Variants in TDRD7 observed in about 807,000 individuals in gnomAD.
TDRD7 encodes the protein tudor domain containing 7.
In TDRD7, 47 loss-of-function variants were observed where a neutral mutation model predicts 109.8. The observed-to-expected ratio is 0.43, with a 90% confidence interval of 0.34 to 0.55. TDRD7 has a LOEUF of 0.55. Ranked by LOEUF, TDRD7 falls within the 20% of genes least tolerant of loss-of-function variation. The pLI is 0.03. For synonymous variants in TDRD7, 424 were observed against 457.3 expected (o/e 0.93, Z 0.93); for missense variants, 1,164 against 1,319.2 (o/e 0.88, Z 1.82).
At chr9:97,441,515 C>G in intron 5 of TDRD7, 143 bp from the exon 6 acceptor site, 1 of 688,932 alleles carries the variant, frequency 1.5e-6, no homozygotes, top group South Asian at 1.9e-5. Context: ...CGGTGCTGCT[C>G]TGCCTAATCC....
Position 97,428,583 on chromosome 9 carries a change from C to T in TDRD7, c.118C>T (p.Pro40Ser). Residue 40 changes from proline (P) to serine (S), a missense_variant, in exon 2 of 17, where the codon CCC (proline) becomes TCC (serine). Pro to Ser is a moderately conservative substitution (Grantham distance 74). Around this residue, in one of 5 missense-constraint regions of TDRD7, gnomAD observed 101 missense variants for 148.5 expected, o/e 0.68. Transcript: ENST00000355295. Reference protein sequence around the residue: ...EYRSLTGDWIPFKQLGFPTLE... With the variant: ...EYRSLTGDWISFKQLGFPTLE... ...CAGATCCTTGACTGGAGACTGGATC[C>T]CCTTCAAACAGCTAGGTTTCCCTAC... 1 of 1,613,990 alleles carries T rather than the reference C, an allele frequency of 6.2e-7. No homozygotes were observed. Among genetic ancestry groups the T allele is most frequent in the Non-Finnish European group, 8.5e-7 (1 of 1,179,956 alleles).
intron 6 of TDRD7, among the ~76,000 whole-genome samples, chr9:97,446,713 TTG>T (rs1261419222): frequency 6.6e-6 from 1 of 152,172 alleles, no homozygotes; most frequent in Non-Finnish European, 1.5e-5. Flanking sequence ...GTTTTTATAT[TTG>T]GGGATGTTCA....
chr9:97,475,997 C>T (rs1423956688), intron 12 of TDRD7, among the ~76,000 whole-genome samples: 1 of 152,152 alleles, frequency 6.6e-6, no homozygotes, highest in Non-Finnish European at 1.5e-5. Flanking sequence ...GTTATCACTC[C>T]ATCTTCCTGA....
intron 4 of TDRD7, among the ~76,000 whole-genome samples, chr9:97,438,825 C>G (rs767166877): frequency 6.6e-5 from 10 of 152,176 alleles, no homozygotes; most frequent in Non-Finnish European, 1.5e-4. Context: ...GTCTGTACAA[C>G]TCATTTAAGT....
chr9:97,473,233 A>G (rs561133649), intron 10 of TDRD7, among the ~76,000 whole-genome samples: 30 of 152,334 alleles, frequency 2.0e-4, no homozygotes, highest in African/African-American at 5.5e-4. Flanking sequence ...CCTTTCAGAC[A>G]ATGGAGTATG....
At chr9:97,431,780 G>A (rs1828108093) in intron 3 of TDRD7, among the ~76,000 whole-genome samples, 1 of 152,172 alleles carries the variant, frequency 6.6e-6, no homozygotes, top group African/African-American at 2.4e-5. Context: ...GGCTGCCACT[G>A]AAGTGTTCAG....
rs1372776296 is a variant in TDRD7, at chr9:97,412,856, C to T, written c.-7+618C>T. Among the ~76,000 whole-genome samples the T allele has an allele frequency of 1.3e-5, 2 of 152,186 alleles. No homozygotes were observed. Among genetic ancestry groups the T allele is most frequent in the African/African-American group, 4.8e-5 (2 of 41,444 alleles). ...ACATGGATCCGTGAGTAAGTTGTCTCTCAACTTTCAGTAGCATCCCCTCAG... is the reference window on the plus strand; with the variant it reads ...ACATGGATCCGTGAGTAAGTTGTCTTTCAACTTTCAGTAGCATCCCCTCAG... On this transcript the variant is annotated intron_variant, in intron 1 of 16. Transcript: ENST00000355295. The surrounding 1 kb of genome is among the most constrained non-coding windows in gnomAD (Gnocchi z 4.3).
chr9:97,490,712 A>G (rs1829293633), intron 16 of TDRD7, among the ~76,000 whole-genome samples: 2 of 149,206 alleles, frequency 1.3e-5, no homozygotes, highest in South Asian at 4.2e-4. Flanking sequence ...TACACCTTTG[A>G]TAGATCTTGG....
At chr9:97,451,100 G>A (rs572000902) in intron 6 of TDRD7, among the ~76,000 whole-genome samples, 3 of 152,008 alleles carry the variant, frequency 2.0e-5, no homozygotes, top group Admixed American at 6.6e-5. Flanking sequence ...TCATGCCTGC[G>A]GAATGATGCC....
intron 16 of TDRD7, among the ~76,000 whole-genome samples, chr9:97,493,595 C>G (rs527694226): frequency 1.9e-3 from 283 of 152,250 alleles, no homozygotes; most frequent in Non-Finnish European, 3.0e-3. Context: ...TATCAGGAGA[C>G]AGGGTTTGAG....
At chr9:97,457,138 G>A (rs1828630127) in intron 6 of TDRD7, among the ~76,000 whole-genome samples, 1 of 152,090 alleles carries the variant, frequency 6.6e-6, no homozygotes, top group Admixed American at 6.6e-5. Flanking sequence ...CTCATGCCAG[G>A]CAGAATGGCA....
At chr9:97,481,764 C>A (rs1829120665) in intron 14 of TDRD7, among the ~76,000 whole-genome samples, 1 of 152,240 alleles carries the variant, frequency 6.6e-6, no homozygotes, top group South Asian at 2.1e-4. Flanking sequence ...TGGATGGTTA[C>A]TCAATAAAAG....
Position 97,496,062 on chromosome 9 carries a change from T to C in TDRD7, c.*179T>C, listed in dbSNP as rs1829393383. The C allele has an allele frequency of 1.7e-6, 1 of 592,664 alleles. No individual in the cohort carries two copies. Among genetic ancestry groups the C allele is most frequent in the Non-Finnish European group, 3.0e-6 (1 of 335,572 alleles). 36.7% of individuals were successfully genotyped at this position (592,664 alleles called of 1,614,324 possible). ...GTTTTGTTTTAACAGAGTTGACTTT[T>C]CAAAGAAAATTGTACTTGAATTATT... On this transcript the variant is annotated 3_prime_UTR_variant, in exon 17 of 17. Transcript: ENST00000355295.
intron 13 of TDRD7, 166 bp downstream of exon 13, chr9:97,478,739 A>G: frequency 1.2e-6 from 1 of 867,668 alleles, no homozygotes; most frequent in South Asian, 1.4e-5. Flanking sequence ...TTGCTGACTT[A>G]GACAAGAAGA....
intron 1 of TDRD7, among the ~76,000 whole-genome samples, chr9:97,420,731 G>A (rs1198027828): frequency 6.6e-6 from 1 of 152,104 alleles, no homozygotes; most frequent in East Asian, 1.9e-4. Context: ...AAATAATGCT[G>A]TTATATACAC....
Position 97,495,665 on chromosome 9 carries a change from G to A in TDRD7, c.3079G>A (p.Val1027Met), listed in dbSNP as rs376898705. The change falls in exon 17 of 17, where the codon GTG (valine) becomes ATG (methionine). Residue 1027 changes from valine to methionine, a missense_variant and splice_region_variant. This residue lies in a region of TDRD7 where 162 missense variants were observed against 222.5 expected (regional missense o/e 0.73). Coordinates refer to ENST00000355295, the MANE Select transcript of TDRD7 (RefSeq NM_014290.3). Reference sequence around the variant, plus strand: ...TCTTCTTCCTCTCTTCCTCCTAGGAGTGAAGTGCAACCAGTGGTCTGAGGA... The same window carrying A: ...TCTTCTTCCTCTCTTCCTCCTAGGAATGAAGTGCAACCAGTGGTCTGAGGA... ...FQAVTAQLAG[V>M]KCNQWSEEAS... is the part of the protein sequence containing the mutation. 1.2e-6 allele frequency: 2 copies of A among 1,613,928 alleles called. No individual in the cohort carries two copies. The highest frequency in any genetic ancestry group is 2.7e-5 in the African/African-American group (2 of 74,930).
intron 6 of TDRD7, among the ~76,000 whole-genome samples, chr9:97,454,403 C>T (rs1050654891): frequency 6.6e-6 from 1 of 152,178 alleles, no homozygotes; most frequent in African/African-American, 2.4e-5. Flanking sequence ...ATGGCGTGCA[C>T]CAGGGAGGCA....
chr9:97,485,906 G>A (rs1400901226), intron 15 of TDRD7, among the ~76,000 whole-genome samples: 3 of 152,200 alleles, frequency 2.0e-5, no homozygotes, highest in Non-Finnish European at 2.9e-5. Flanking sequence ...GACTCATGGA[G>A]TATTGCTTGC....
chr9:97,419,270 A>C (rs150781573), intron 1 of TDRD7, among the ~76,000 whole-genome samples: 46 of 152,282 alleles, frequency 3.0e-4, no homozygotes, highest in African/African-American at 9.9e-4. Flanking sequence ...ATAGATGGGG[A>C]AGGTGGAGAT....
Sources: gnomAD v4.1 joint callset for allele counts (sites outside exome capture counted in the v4.1 genomes callset) on GRCh38, gnomAD v4.1.1 for gene constraint, gnomAD v4.1.1 regional missense constraint, Gnocchi (gnomAD v3.1) non-coding constraint, MANE v1.5 for transcripts, NCBI Gene and HGNC (gene_info 2026-07-23, HGNC 2026-07-21) for gene names.